The following SLC11A2 variants were observed in gnomAD, a reference collection of about 807,000 sequenced individuals.
SLC11A2 encodes the protein solute carrier family 11 member 2, also known as natural resistance-associated macrophage protein 2.
In SLC11A2, 38 loss-of-function variants were observed where a neutral mutation model predicts 68.0. That is an observed-to-expected ratio of 0.56 (90% confidence interval 0.43 to 0.73). The LOEUF is 0.73. SLC11A2 is among the 30% of genes least tolerant of loss of function. SLC11A2 has a pLI of 0.00. For synonymous variants in SLC11A2, 242 were observed against 250.6 expected, an observed-to-expected ratio of 0.97 and a Z score of 0.32; for missense variants, 517 against 690.5, an observed-to-expected ratio of 0.75 and a Z score of 2.82.
the SLC11A2 span, among the ~76,000 whole-genome samples, chr12:50,957,940 GTGT>G: frequency 3.1e-5 from 2 of 64,900 alleles, no homozygotes; most frequent in South Asian, 7.0e-4. Flanking sequence ...AATTGGAGGT[GTGT>G]GTGTGTGTGT....
chr12:51,003,166 C>T (rs189253078), intron 5 of SLC11A2, among the ~76,000 whole-genome samples: 2 of 151,850 alleles, frequency 1.3e-5, no homozygotes, highest in East Asian at 1.9e-4. Flanking sequence ...AAACTGAAGG[C>T]GGAGGTTGCA....
At position 50,994,599 on chromosome 12, in the gene SLC11A2, T is replaced by C. The variant is rs747088305; in HGVS notation, c.1022A>G (p.His341Arg). ...GTTATCTTTAGGAAAGAGGCCAGCATGAGGACTGCTGGTATTTGTACAGAC... is the reference window on the plus strand; with the variant it reads ...GTTATCTTTAGGAAAGAGGCCAGCACGAGGACTGCTGGTATTTGTACAGAC... ...VEVCTNTSSP[H>R]AGLFPKDNST... Residue 341 changes from histidine (H) to arginine (R), a missense_variant, in exon 11 of 16, where the codon CAT (histidine) becomes CGT (arginine). Physicochemically the swap from His to Arg is conservative, Grantham distance 29 (BLOSUM62 0). Coordinates refer to ENST00000262052, the MANE Select transcript of SLC11A2 (RefSeq NM_000617.3). 6 of 1,612,494 alleles carry C rather than the reference T, an allele frequency of 3.7e-6. No homozygotes were observed. Among genetic ancestry groups the C allele is most frequent in the Non-Finnish European group, 5.1e-6 (6 of 1,178,478 alleles).
chr12:50,962,428 G>A, the SLC11A2 span, among the ~76,000 whole-genome samples: 1 of 150,480 alleles, frequency 6.6e-6, no homozygotes, highest in Non-Finnish European at 1.5e-5. Flanking sequence ...AGCCAGGCAC[G>A]GTGGCTCATG....
chr12:51,026,218 G>A, intron 1 of SLC11A2, 92 bp downstream of exon 1: 1 of 1,216,914 alleles, frequency 8.2e-7, no homozygotes, highest in Non-Finnish European at 1.1e-6. Flanking sequence ...TAGCCCCGGA[G>A]CCTGACCCCC....
the SLC11A2 span, among the ~76,000 whole-genome samples, chr12:50,967,204 C>T: frequency 2.0e-5 from 3 of 152,106 alleles, no homozygotes; most frequent in Admixed American, 2.0e-4. Flanking sequence ...CAGCCTCAAA[C>T]TCCTGGGCTC....
At chr12:51,024,745 C>T (rs1007813048) in intron 1 of SLC11A2, 2 of 152,186 alleles carry the variant, frequency 1.3e-5, no homozygotes, top group African/African-American at 4.8e-5. Flanking sequence ...TGCCTACTAG[C>T]TTTGTAGAGT....
intron 5 of SLC11A2, among the ~76,000 whole-genome samples, chr12:51,003,174 G>A (rs1306505169): frequency 6.6e-6 from 1 of 151,990 alleles, no homozygotes; most frequent in Non-Finnish European, 1.5e-5. Flanking sequence ...GGCGGAGGTT[G>A]CAGTGAGCTG....
chr12:50,956,327 G>C, the SLC11A2 span, among the ~76,000 whole-genome samples: 1 of 152,188 alleles, frequency 6.6e-6, no homozygotes, highest in Non-Finnish European at 1.5e-5. Flanking sequence ...AGGAAGTGGA[G>C]GTTGCAGTGA....
Position 50,999,203 on chromosome 12 carries a change from T to C in SLC11A2, c.646A>G (p.Thr216Ala), listed in dbSNP as rs1306451298. The C allele has an allele frequency of 6.2e-7, 1 of 1,613,732 alleles. No homozygotes were observed. Among genetic ancestry groups the C allele is most frequent in the Non-Finnish European group, 8.5e-7 (1 of 1,179,944 alleles). The change falls in exon 8 of 16, where the codon ACT becomes GCT. Residue 216 changes from threonine to alanine, a missense_variant. By Grantham distance (58) the Thr-to-Ala change is moderately conservative. Transcript: ENST00000262052. ...TATCCAAATGTGAGGGCCATAATAG[T>C]GATGAGAAAGCCAAAAAATGCTTCT... ...KLEAFFGFLI[T>A]IMALTFGYEY...
At chr12:51,001,147 A>G (rs112388276) in intron 5 of SLC11A2, among the ~76,000 whole-genome samples, 2,763 of 150,668 alleles carry the variant, frequency 0.018, 74 homozygotes, top group African/African-American at 0.064. Context: ...CCTGGACAAC[A>G]AAGCGAGACT....
intron 9 of SLC11A2, 80 bp downstream of exon 9, chr12:50,996,737 C>T: frequency 7.0e-7 from 1 of 1,435,158 alleles, no homozygotes; most frequent in Non-Finnish European, 9.8e-7. Flanking sequence ...TAATTGTAAA[C>T]TAACTTTGTG....
At chr12:50,994,691 TCTC>T in intron 10 of SLC11A2, 61 bp from the exon 11 acceptor site, 2 of 911,628 alleles carry the variant, frequency 2.2e-6, no homozygotes, top group Non-Finnish European at 3.7e-6. Flanking sequence ...AAATAAGAGC[TCTC>T]CTACATATCA....
chr12:50,954,743 T>C, the SLC11A2 span, among the ~76,000 whole-genome samples: 3 of 151,914 alleles, frequency 2.0e-5, no homozygotes, highest in Non-Finnish European at 4.4e-5. Context: ...AACAAACAAA[T>C]AAACAAAAAA....
downstream of SLC11A2, among the ~76,000 whole-genome samples, chr12:50,985,618 T>G (rs1281247873): frequency 6.6e-6 from 1 of 152,196 alleles, no homozygotes; most frequent in African/African-American, 2.4e-5. Context: ...TAATTTTTCA[T>G]TGGCAGCACA....
Position 51,023,722 on chromosome 12 carries a change from C to G in SLC11A2, c.-39+2588G>C, listed in dbSNP as rs1177212953. Among the ~76,000 whole-genome samples the G allele has an allele frequency of 2.6e-5, 4 of 152,286 alleles. No individual in the cohort carries two copies. In the East Asian group the frequency reaches 7.7e-4, roughly 29 times the overall value. ...ACATTGTCCTTCACTCTTACCAGGC[C>G]AACTTCCAACTTTAAATCCTAAAGA... On this transcript the variant is annotated intron_variant, in intron 1 of 15. Transcript: ENST00000262052.
chr12:50,987,954 A>C lies in SLC11A2; in HGVS notation c.*371T>G, dbSNP rs556916905. On this transcript the variant is annotated 3_prime_UTR_variant, in exon 16 of 16. Transcript: ENST00000262052. ...TGCATACTCATTCTGTAGTTTGTAT[A>C]ATAAAAAATGTATTGCATTTTCCAA... 1.9e-5 allele frequency: 24 copies of C among 1,287,180 alleles called. No individual in the cohort carries two copies. Among genetic ancestry groups the C allele is most frequent in the Non-Finnish European group, 2.3e-5 (23 of 988,422 alleles). 79.7% of individuals were successfully genotyped at this position (1,287,180 alleles called of 1,614,324 possible). A position where few individuals can be genotyped will look rare whatever the true frequency, so the allele number is the denominator to read the frequency against.
Position 50,991,667 on chromosome 12 carries a change from G to A in SLC11A2, c.1353C>T (p.Pro451=), listed in dbSNP as rs1941165274. ...ATGTGAGGATGGGTATGAGAGCAAA[G>A]GGAAGCTGGAAAAGAAAGAAGATCA... ...FLNVLQSLQL[P]FALIPILTFT... Residue 451 remains proline (P), a synonymous_variant, in exon 14 of 16, where the codon CCC becomes CCT. Transcript: ENST00000262052. 2 of 1,613,616 alleles carry A rather than the reference G, an allele frequency of 1.2e-6. No homozygotes were observed. Among genetic ancestry groups the A allele is most frequent in the Non-Finnish European group, 1.7e-6 (2 of 1,179,736 alleles).
Position 50,995,518 on chromosome 12 carries a change from A to T in SLC11A2, c.990+111T>A, listed in dbSNP as rs191335696. ...TTGGGGGGCAGACGAGAAGCTAGAGATTATTTCTCCTGAACATTAACACTA... is the reference window on the plus strand; with the variant it reads ...TTGGGGGGCAGACGAGAAGCTAGAGTTTATTTCTCCTGAACATTAACACTA... On this transcript the variant is annotated intron_variant, in intron 10 of 15. Coordinates refer to ENST00000262052, the MANE Select transcript of SLC11A2 (RefSeq NM_000617.3). 1,739 of 1,146,080 alleles carry T rather than the reference A, an allele frequency of 1.5e-3. 3 individuals carry two copies. Among genetic ancestry groups the T allele is most frequent in the Non-Finnish European group, 1.5e-3 (1,141 of 762,768 alleles). The allele number at this position is 1,146,080 out of a possible 1,614,324, so 71.0% of individuals were successfully genotyped here.
At chr12:50,961,149 C>A in the SLC11A2 span, 2 of 1,586,186 alleles carry the variant, frequency 1.3e-6, no homozygotes, top group Non-Finnish European at 1.7e-6. Context: ...TTTGAGAGTA[C>A]ATTTATTTAT....
Sources: allele counts gnomAD v4.1 joint callset (sites outside exome capture counted in the v4.1 genomes callset), GRCh38; gene constraint gnomAD v4.1.1; transcripts MANE v1.5; gene names NCBI Gene and HGNC (gene_info 2026-07-23, HGNC 2026-07-21).